CADM2: variants seen among roughly 807,000 people sequenced by gnomAD.
The protein encoded by CADM2 is immunoglobulin superfamily member 4D.
In CADM2, 12 loss-of-function variants were observed where a neutral mutation model predicts 49.8. That is an observed-to-expected ratio of 0.24 (90% CI 0.15 to 0.39). The LOEUF (loss-of-function observed/expected upper bound fraction) is 0.39. CADM2 is among the 10% of genes least tolerant of loss of function. The probability of loss-of-function intolerance (pLI) is 1.00; values close to 1 mark genes in which losing one functional copy is unlikely to be tolerated. For missense variants in CADM2, 378 were observed against 492.3 expected, an observed-to-expected ratio of 0.77 and a Z score of 2.20; for synonymous variants, 214 against 175.4, an observed-to-expected ratio of 1.22 and a Z score of -1.74.
At chr3:86,020,251 T>C (rs957126582) in intron 8 of CADM2, among the ~76,000 whole-genome samples, 1 of 151,628 alleles carries the variant, frequency 6.6e-6, no homozygotes, top group African/African-American at 2.4e-5. Flanking sequence ...AATGGATAAA[T>C]TCCTCGACAC....
At chr3:85,370,077 G>A (rs922645665) in intron 1 of CADM2, among the ~76,000 whole-genome samples, 8 of 151,772 alleles carry the variant, frequency 5.3e-5, no homozygotes, top group Admixed American at 2.0e-4. Flanking sequence ...GCTGAGAATA[G>A]TGGCAAGTGC....
chr3:85,840,226 A>C (rs2108261134), intron 3 of CADM2, among the ~76,000 whole-genome samples: 1 of 152,008 alleles, frequency 6.6e-6, no homozygotes, highest in South Asian at 2.1e-4. Context: ...TAAGTACATC[A>C]AAATGCTTTC....
At chr3:85,896,244 C>A (rs943342553) in intron 5 of CADM2, among the ~76,000 whole-genome samples, 3 of 152,114 alleles carry the variant, frequency 2.0e-5, no homozygotes, top group Admixed American at 2.0e-4. Context: ...CATGATAGCA[C>A]CACTGCATTC....
At chr3:85,330,606 A>G (rs1199566385) in intron 1 of CADM2, among the ~76,000 whole-genome samples, 1 of 152,134 alleles carries the variant, frequency 6.6e-6, no homozygotes, top group Non-Finnish European at 1.5e-5. Flanking sequence ...TGAATTTTTC[A>G]TAGGCAATGT....
At chr3:85,385,457 A>T (rs2034168145) in intron 1 of CADM2, among the ~76,000 whole-genome samples, 1 of 152,152 alleles carries the variant, frequency 6.6e-6, no homozygotes, top group Non-Finnish European at 1.5e-5. Flanking sequence ...GGCCTTTTGC[A>T]AGTAAATAAA....
intron 3 of CADM2, among the ~76,000 whole-genome samples, chr3:85,853,730 A>G (rs2075198028): frequency 6.6e-6 from 1 of 152,098 alleles, no homozygotes; most frequent in African/African-American, 2.4e-5. Flanking sequence ...AAAATAAACA[A>G]TAGTTTATTT....
intron 1 of CADM2, among the ~76,000 whole-genome samples, chr3:85,424,664 C>G (rs967832979): frequency 6.6e-6 from 1 of 152,096 alleles, no homozygotes; most frequent in Non-Finnish European, 1.5e-5. Flanking sequence ...ACAAAAATGT[C>G]TTAAATATTT....
intron 6 of CADM2, among the ~76,000 whole-genome samples, chr3:85,925,229 T>C (rs756753389): frequency 6.6e-6 from 1 of 152,296 alleles, no homozygotes; most frequent in Admixed American, 6.5e-5. Flanking sequence ...TTTTGAACTA[T>C]ATATAATTTA....
At chr3:85,052,297 A>G (rs1270575956) in intron 1 of CADM2, among the ~76,000 whole-genome samples, 2 of 152,146 alleles carry the variant, frequency 1.3e-5, no homozygotes, top group Non-Finnish European at 2.9e-5. Flanking sequence ...GGATTAGGCT[A>G]CAGCAACATG....
chr3:85,461,974 G>A (rs60189852), intron 1 of CADM2, among the ~76,000 whole-genome samples: 1 of 152,126 alleles, frequency 6.6e-6, no homozygotes, highest in Non-Finnish European at 1.5e-5. Flanking sequence ...CTCTAGAAAA[G>A]TGCTCTGATT....
At chr3:85,396,536 C>G (rs903465730) in intron 1 of CADM2, among the ~76,000 whole-genome samples, 1 of 151,720 alleles carries the variant, frequency 6.6e-6, no homozygotes, top group African/African-American at 2.4e-5. Flanking sequence ...TGTGGTAATC[C>G]AATACCTACA....
chr3:85,381,811 A>C (rs1376287907), intron 1 of CADM2, among the ~76,000 whole-genome samples: 2 of 151,928 alleles, frequency 1.3e-5, no homozygotes, highest in Non-Finnish European at 2.9e-5. Context: ...TGTTGTAAGG[A>C]TGTCTCTACC....
intron 1 of CADM2, among the ~76,000 whole-genome samples, chr3:85,585,866 T>G (rs1043633540): frequency 6.6e-6 from 1 of 152,060 alleles, no homozygotes; most frequent in Non-Finnish European, 1.5e-5. Flanking sequence ...CCTCATTTAT[T>G]TCACAGGGCT....
chr3:85,246,636 T>C (rs2042655217), intron 1 of CADM2, among the ~76,000 whole-genome samples: 2 of 152,106 alleles, frequency 1.3e-5, no homozygotes, highest in African/African-American at 4.8e-5. Flanking sequence ...GTCTCTTTAA[T>C]AATTCAGAGT....
chr3:85,339,805 T>C (rs747320849), intron 1 of CADM2, among the ~76,000 whole-genome samples: 1 of 151,466 alleles, frequency 6.6e-6, no homozygotes, highest in Admixed American at 6.6e-5. Flanking sequence ...AGAAAAAATA[T>C]ACTGAAAGCT....
Position 86,074,345 on chromosome 3 carries a change from T to G in CADM2, c.*7562T>G, listed in dbSNP as rs534997442. On this transcript the variant is annotated 3_prime_UTR_variant, in exon 10 of 10. Coordinates refer to ENST00000383699, the MANE Select transcript of CADM2 (RefSeq NM_001167675.2). ...TTGTTACACAGGGTAAGCCAAAGGC[T>G]GTACAAGATTTAGTGTCATTGGGTC... is the stretch of plus-strand genomic sequence containing the variant. 1.3e-5 allele frequency: 2 copies of G among 152,038 alleles called. No individual in the cohort carries two copies. The highest frequency in any genetic ancestry group is 4.8e-5 in the African/African-American group (2 of 41,466). The allele number at this position is 152,038 out of a possible 1,614,324, so 9.4% of individuals were successfully genotyped here.
chr3:85,260,700 C>T (rs866204015), intron 1 of CADM2, among the ~76,000 whole-genome samples: 1 of 152,168 alleles, frequency 6.6e-6, no homozygotes. Flanking sequence ...TTCTACTACA[C>T]TGTTTTCAGT....
intron 1 of CADM2, among the ~76,000 whole-genome samples, chr3:85,465,192 CAAAA>C (rs1035203405): frequency 6.6e-6 from 1 of 152,006 alleles, no homozygotes; most frequent in East Asian, 1.9e-4. Context: ...AACAAACAAA[CAAAA>C]AACATACTTT....
intron 1 of CADM2, among the ~76,000 whole-genome samples, chr3:85,133,043 C>G (rs1295686043): frequency 2.0e-5 from 3 of 152,112 alleles, no homozygotes; most frequent in African/African-American, 7.2e-5. Context: ...GTGAGTGTTA[C>G]AGCTCTTAAG....
Sources: allele counts gnomAD v4.1 joint callset (sites outside exome capture counted in the v4.1 genomes callset), GRCh38; gene constraint gnomAD v4.1.1; transcripts MANE v1.5; gene names NCBI Gene and HGNC (gene_info 2026-07-23, HGNC 2026-07-21).